Variants in SNED1 observed in about 807,000 individuals in gnomAD.
SNED1 encodes the protein sushi, nidogen and EGF-like domain-containing protein 1.
SNED1 carries 81 observed loss-of-function variants against 166.7 expected under a neutral mutation model. The ratio of observed to expected loss-of-function variants is 0.49; its 90% confidence interval spans 0.41 to 0.58. The LOEUF (loss-of-function observed/expected upper bound fraction) is 0.58, where lower values mean the gene tolerates loss of function less well. Among genes scored for constraint, SNED1 ranks in the 20% least tolerant of loss-of-function variants. The probability of loss-of-function intolerance (pLI) is 0.00; values close to 1 mark genes in which losing one functional copy is unlikely to be tolerated. For synonymous variants in SNED1, 762 were observed against 822.0 expected (o/e 0.93, Z 1.25); for missense variants, 1,604 against 2,000.2 (o/e 0.80, Z 3.78).
In SNED1 at chr2:240,998,966, C is replaced by G. The variant is rs1009278359; in HGVS notation, c.129C>G (p.Thr43=). The G allele has an allele frequency of 7.6e-7, 1 of 1,323,142 alleles. No homozygotes were observed. The highest frequency in any genetic ancestry group is 1.6e-5 in the African/African-American group (1 of 64,160). The allele number at this position is 1,323,142 out of a possible 1,614,324, so 82.0% of individuals were successfully genotyped here. ...GCGCCGAGCGCGGCGACGCCGTCAC[C>G]CCCAAGCAGGACGACGGCGGCTCGG... ...PFGAERGDAV[T]PKQDDGGSGL... Residue 43 remains threonine, a synonymous_variant, in exon 1 of 32, where the codon ACC becomes ACG. Coordinates refer to ENST00000310397, the MANE Select transcript of SNED1 (RefSeq NM_001080437.3).
At chr2:241,065,264 A>G (rs1330412200) in intron 20 of SNED1, 35 bp from the exon 21 acceptor site, 2 of 1,609,218 alleles carry the variant, frequency 1.2e-6, no homozygotes, top group African/African-American at 1.3e-5. Flanking sequence ...ACGGCTGACC[A>G]GTCCCCTCCC....
chr2:241,067,676 C>T (rs2062517981), intron 21 of SNED1, 88 bp from the exon 22 acceptor site: 5 of 1,144,488 alleles, frequency 4.4e-6, no homozygotes, highest in Non-Finnish European at 6.2e-6. Context: ...CCCCCAGCAC[C>T]CTCCCAAGCC....
At chr2:241,020,169 G>A (rs767802774) in intron 1 of SNED1, among the ~76,000 whole-genome samples, 6 of 152,222 alleles carry the variant, frequency 3.9e-5, no homozygotes, top group Admixed American at 1.3e-4. Flanking sequence ...AAATATTTGC[G>A]ATCTGGCCCT....
chr2:241,051,902 C>T lies in SNED1; in HGVS notation c.1852+42C>T, dbSNP rs989075554. 3.3e-6 allele frequency: 5 copies of T among 1,504,776 alleles called. No individual in the cohort carries two copies. The highest frequency in any genetic ancestry group is 4.5e-6 in the Non-Finnish European group (5 of 1,114,868). The allele number at this position is 1,504,776 out of a possible 1,614,324, so 93.2% of individuals were successfully genotyped here. A position where few individuals can be genotyped will look rare whatever the true frequency, so the allele number is the denominator to read the frequency against. ...CAGGGGGGAGGGCAGGAACGACGGGCCAGCCCTGAGCTGGGGCCCCTGATG... is the reference window on the plus strand; with the variant it reads ...CAGGGGGGAGGGCAGGAACGACGGGTCAGCCCTGAGCTGGGGCCCCTGATG... On this transcript the variant is annotated intron_variant, in intron 13 of 31. Transcript: ENST00000310397. This position sits in a 1 kb window ranked among gnomAD's most constrained non-coding sequence, Gnocchi z 4.7.
chr2:241,074,523 G>C (rs2062925598), intron 27 of SNED1: 1 of 152,192 alleles, frequency 6.6e-6, no homozygotes, highest in African/African-American at 2.4e-5. Flanking sequence ...CTAGAACTCA[G>C]AGATTGGAGG....
rs911948779 is a variant in SNED1, at chr2:241,068,540, C to T, written c.3195-371C>T. 2.0e-5 allele frequency among the ~76,000 whole-genome samples: 3 copies of T among 152,070 alleles called. No homozygotes were observed. Among genetic ancestry groups the T allele is most frequent in the East Asian group, 1.9e-4 (1 of 5,178 alleles). On this transcript the variant is annotated intron_variant, in intron 22 of 31. Transcript: ENST00000310397. The surrounding 1 kb of genome is among the most constrained non-coding windows in gnomAD (Gnocchi z 5.3). ...TGGGGCTGGGGTGGCATTGGCCTCA[C>T]GTTGTCCTGTGGTTTCCTGAGAATT...
chr2:241,049,672 A>G, intron 11 of SNED1, 145 bp from the exon 12 acceptor site: 2 of 626,932 alleles, frequency 3.2e-6, no homozygotes, highest in East Asian at 2.7e-5. Flanking sequence ...TGAGGAATCA[A>G]GATGCCCACA....
rs35928845 is a variant in SNED1 at position 241,045,713 on chromosome 2, C to CAA, written c.1274-2589_1274-2588dup. ...TAAGATTTTTAGAAGAAAACATAGG[C>CAA]AAAAAAAAAAAAAATTTATGACCTG... On this transcript the variant is annotated intron_variant, in intron 8 of 31. Coordinates refer to ENST00000310397, the MANE Select transcript of SNED1 (RefSeq NM_001080437.3). 6.9e-4 allele frequency among the ~76,000 whole-genome samples: 92 copies of CAA among 133,612 alleles called. 1 individual carries two copies. The highest frequency in any genetic ancestry group is 5.8e-3 in the South Asian group (24 of 4,138). 87.7% of individuals were successfully genotyped at this position (133,612 alleles called of 152,430 possible).
rs935859450 is a variant in SNED1 at position 241,082,274 on chromosome 2, C to T, written c.4034-3C>T. The T allele has an allele frequency of 6.2e-6, 10 of 1,602,432 alleles. No individual in the cohort carries two copies. In the Admixed American group the frequency reaches 1.3e-4, roughly 21 times the overall value. ...GGTGAGCCACTGCCCTTCTTTGTCG[C>T]AGCCTGTATAAAGGTGTCCCGCCCC... On this transcript the variant is annotated splice_polypyrimidine_tract_variant and splice_region_variant and intron_variant, in intron 28 of 31. Transcript: ENST00000310397.
intron 1 of SNED1, among the ~76,000 whole-genome samples, chr2:241,000,677 G>T (rs113851489): frequency 0.011 from 1,664 of 152,288 alleles, 43 homozygotes; most frequent in African/African-American, 0.036. Flanking sequence ...AGCAACTAGG[G>T]GAAACAGCTC....
intron 30 of SNED1, chr2:241,088,022 A>T: frequency 2.5e-6 from 1 of 399,076 alleles, no homozygotes. Context: ...GCAAGGCCGC[A>T]GCCTGCAGCT....
chr2:241,030,001 C>T (rs540943511), intron 1 of SNED1, among the ~76,000 whole-genome samples: 1 of 152,258 alleles, frequency 6.6e-6, no homozygotes, highest in Non-Finnish European at 1.5e-5. Context: ...GACTTTCCTA[C>T]CCCCTATAGC....
chr2:241,053,397 C>A, intron 16 of SNED1, 71 bp downstream of exon 16: 1 of 1,447,502 alleles, frequency 6.9e-7, no homozygotes, highest in Non-Finnish European at 9.3e-7. Context: ...TGTGGAGGAG[C>A]ACAGGGGCTG....
Position 241,064,890 on chromosome 2 carries a change from C to A in SNED1, c.2646C>A (p.Cys882Ter). ...FSSPCGGRGY[C>*]LASNGSHSCT... ...GCCCCTGTGGGGGCCGTGGCTATTG[C>A]CTGGCCAGCAACGGCTCCCACAGCT... Residue 882 changes from cysteine to a stop codon, truncating the protein, a stop_gained, in exon 20 of 32, where the codon TGC becomes TGA. Transcript: ENST00000310397. LOFTEE classifies it high-confidence loss of function. This position sits in a 1 kb window ranked among gnomAD's most constrained non-coding sequence, Gnocchi z 7.0. The A allele has an allele frequency of 6.3e-7, 1 of 1,585,336 alleles. No individual in the cohort carries two copies. Among genetic ancestry groups the A allele is most frequent in the Non-Finnish European group, 8.5e-7 (1 of 1,171,972 alleles).
Position 240,999,886 on chromosome 2 carries a change from A to T in SNED1, c.213+836A>T, listed in dbSNP as rs1160647782. Among the ~76,000 whole-genome samples, 2 of 152,056 alleles carry T rather than the reference A, an allele frequency of 1.3e-5. No homozygotes were observed. Among genetic ancestry groups the T allele is most frequent in the Non-Finnish European group, 2.9e-5 (2 of 67,994 alleles). On this transcript the variant is annotated intron_variant, in intron 1 of 31. Coordinates refer to ENST00000310397, the MANE Select transcript of SNED1 (RefSeq NM_001080437.3). This position sits in a 1 kb window ranked among gnomAD's most constrained non-coding sequence, Gnocchi z 5.8. ...CACTGGTACCTGGTGGTTCCCTGAAACACCCCAGATCATATCTAGAAAACT... is the reference window on the plus strand; with the variant it reads ...CACTGGTACCTGGTGGTTCCCTGAATCACCCCAGATCATATCTAGAAAACT...
Position 241,030,265 on chromosome 2 carries a change from C to T in SNED1, c.214-19C>T, listed in dbSNP as rs374222753. 5 of 1,551,788 alleles carry T rather than the reference C, an allele frequency of 3.2e-6. No individual in the cohort carries two copies. The Admixed American group carries it at 9.1e-5, about 28-fold the overall frequency. ...CCACAGCCCCCAGTCAATCCCCGCT[C>T]TGGCTTTCTGCCTCCCAGGTGAACA... On this transcript the variant is annotated intron_variant, in intron 1 of 31. Transcript: ENST00000310397.
intron 1 of SNED1, among the ~76,000 whole-genome samples, chr2:241,004,323 A>AT (rs1351908594): frequency 2.6e-5 from 4 of 152,136 alleles, no homozygotes; most frequent in Admixed American, 2.0e-4. Flanking sequence ...TGTAGTACTG[A>AT]TTTTTTTTAA....
intron 17 of SNED1, 144 bp from the exon 18 acceptor site, chr2:241,063,443 T>C (rs1394230992): frequency 3.0e-6 from 2 of 673,162 alleles, no homozygotes; most frequent in South Asian, 1.6e-5. Context: ...TTGGGGCTGA[T>C]GGAAGAAAAA....
rs1232958089 is a variant in SNED1 at position 241,087,432 on chromosome 2, A to G, written c.4162A>G (p.Lys1388Glu). 4 of 1,604,672 alleles carry G rather than the reference A, an allele frequency of 2.5e-6. No individual in the cohort carries two copies. Among genetic ancestry groups the G allele is most frequent in the Non-Finnish European group, 3.4e-6 (4 of 1,175,624 alleles). Residue 1388 changes from lysine (K) to glutamate (E), a missense_variant, in exon 30 of 32, where the codon AAA becomes GAA. Physicochemically the swap from Lys to Glu is moderately conservative, Grantham distance 56. Coordinates refer to ENST00000310397, the MANE Select transcript of SNED1 (RefSeq NM_001080437.3). The stretch of plus-strand genomic sequence containing the variant: ...CCGAGTTCACCAAGACATCTGCTTC[A>G]AAGAGAGCTGTGAAAGCACAAGCCT... ...VYRVHQDICF[K>E]ESCESTSLKK...
Sources: allele counts gnomAD v4.1 joint callset (sites outside exome capture counted in the v4.1 genomes callset), GRCh38; gene constraint gnomAD v4.1.1; non-coding constraint Gnocchi (gnomAD v3.1); transcripts MANE v1.5; gene names NCBI Gene and HGNC (gene_info 2026-07-23, HGNC 2026-07-21).